The following LRBA variants were observed in gnomAD, a reference collection of about 807,000 sequenced individuals.
LRBA encodes the protein LPS responsive beige-like anchor protein, also known as lipopolysaccharide-responsive and beige-like anchor protein.
In LRBA, 176 loss-of-function variants were observed where a neutral mutation model predicts 330.0. That is an observed-to-expected ratio of 0.53 (90% confidence interval 0.47 to 0.60). The LOEUF is 0.60. Among genes scored for constraint, LRBA ranks in the 20% least tolerant of loss-of-function variants. LRBA has a pLI of 0.00. For synonymous variants in LRBA, 1,230 were observed against 1,193.0 expected, an observed-to-expected ratio of 1.03 and a Z score of -0.64; for missense variants, 3,259 against 3,444.8, an observed-to-expected ratio of 0.95 and a Z score of 1.35.
intron 53 of LRBA, among the ~76,000 whole-genome samples, chr4:150,295,529 T>TAGTA (rs1237844236): frequency 5.3e-5 from 8 of 152,148 alleles, no homozygotes; most frequent in African/African-American, 1.9e-4. Context: ...ATTATCAAGG[T>TAGTA]AGTACATGCT....
intron 22 of LRBA, among the ~76,000 whole-genome samples, chr4:150,866,481 C>T (rs1231835360): frequency 2.6e-5 from 4 of 152,140 alleles, no homozygotes; most frequent in Admixed American, 1.3e-4. Flanking sequence ...TAAACTCCAG[C>T]CATACCACGT....
intron 2 of LRBA, among the ~76,000 whole-genome samples, chr4:150,999,769 T>G (rs1329700091): frequency 6.6e-6 from 1 of 151,816 alleles, no homozygotes; most frequent in Non-Finnish European, 1.5e-5. Context: ...GCAAACTTAA[T>G]CCATACGTTC....
At chr4:150,884,152 A>G (rs926549318) in intron 17 of LRBA, among the ~76,000 whole-genome samples, 12 of 152,200 alleles carry the variant, frequency 7.9e-5, no homozygotes, top group Admixed American at 7.9e-4. Context: ...GTTGCTTTCA[A>G]ACAGGGCAAA....
intron 40 of LRBA, among the ~76,000 whole-genome samples, chr4:150,503,662 G>C (rs189518688): frequency 2.7e-4 from 41 of 152,266 alleles, no homozygotes; most frequent in African/African-American, 9.6e-4. Flanking sequence ...AGAAAAACTG[G>C]AAACTCTAAA....
chr4:150,489,288 GAA>G (rs1758446069), intron 41 of LRBA, among the ~76,000 whole-genome samples: 3 of 53,162 alleles, frequency 5.6e-5, no homozygotes, highest in Non-Finnish European at 9.1e-5. Context: ...TTATATATAA[GAA>G]TATATAATAT....
intron 48 of LRBA, among the ~76,000 whole-genome samples, chr4:150,326,862 A>G (rs931478367): frequency 6.6e-6 from 1 of 152,214 alleles, no homozygotes; most frequent in African/African-American, 2.4e-5. Context: ...CCAGGCTAAA[A>G]GGATGAGGAA....
intron 47 of LRBA, among the ~76,000 whole-genome samples, chr4:150,360,068 G>T (rs914460855): frequency 6.6e-6 from 1 of 152,006 alleles, no homozygotes; most frequent in African/African-American, 2.4e-5. Context: ...TCACCCCAAG[G>T]ATTTTATACC....
intron 2 of LRBA, among the ~76,000 whole-genome samples, chr4:150,943,045 T>C (rs1300777216): frequency 6.6e-6 from 1 of 152,204 alleles, no homozygotes; most frequent in African/African-American, 2.4e-5. Flanking sequence ...TCATTGTTTA[T>C]TGTACCCTTC....
At chr4:150,784,548 G>A (rs994131534) in intron 34 of LRBA, among the ~76,000 whole-genome samples, 2 of 152,084 alleles carry the variant, frequency 1.3e-5, no homozygotes, top group East Asian at 1.9e-4. Flanking sequence ...TTTGCCCTAC[G>A]TGAATGACAT....
chr4:150,703,101 C>T (rs958801856), intron 36 of LRBA, among the ~76,000 whole-genome samples: 1 of 152,150 alleles, frequency 6.6e-6, no homozygotes, highest in African/African-American at 2.4e-5. Context: ...ACAGAGATTG[C>T]AGTGAGCCAA....
At chr4:150,372,473 C>T (rs1740491011) in intron 47 of LRBA, among the ~76,000 whole-genome samples, 1 of 148,716 alleles carries the variant, frequency 6.7e-6, no homozygotes, top group African/African-American at 2.5e-5. Context: ...TAGTGGCACA[C>T]GCTTGTGGTT....
At chr4:150,891,678 A>G (rs1417721799) in intron 17 of LRBA, among the ~76,000 whole-genome samples, 1 of 152,160 alleles carries the variant, frequency 6.6e-6, no homozygotes, top group South Asian at 2.1e-4. Context: ...CAATTGTGTA[A>G]AACAGTTGCT....
chr4:150,860,526 C>G (rs768525482), intron 22 of LRBA, among the ~76,000 whole-genome samples: 5 of 152,114 alleles, frequency 3.3e-5, no homozygotes, highest in Non-Finnish European at 7.4e-5. Context: ...CCATAAGTCA[C>G]TGGACTAAAG....
At chr4:150,845,506 T>C (rs552407848) in intron 26 of LRBA, among the ~76,000 whole-genome samples, 60 of 152,216 alleles carry the variant, frequency 3.9e-4, no homozygotes, top group Non-Finnish European at 7.6e-4. Context: ...CCCTTCACTA[T>C]GAATTGCTTG....
intron 38 of LRBA, among the ~76,000 whole-genome samples, chr4:150,594,958 C>G (rs1319824119): frequency 6.6e-6 from 1 of 151,964 alleles, no homozygotes; most frequent in Non-Finnish European, 1.5e-5. Context: ...AGCAAGTGAA[C>G]TGGAATCATC....
At chr4:150,841,087 T>G (rs1400390669) in intron 28 of LRBA, 4 of 620,714 alleles carry the variant, frequency 6.4e-6, no homozygotes, top group Non-Finnish European at 9.5e-6. Context: ...TTTGTCTTTT[T>G]TATAAACCAC....
chr4:150,803,567 C>G lies in LRBA; in HGVS notation c.5518+2704G>C, dbSNP rs372961874. Among the ~76,000 whole-genome samples, 3 of 152,106 alleles carry G rather than the reference C, an allele frequency of 2.0e-5. No individual in the cohort carries two copies. In the East Asian group the frequency reaches 5.8e-4, roughly 29 times the overall value. ...GTCACTGGCAAGGACAGAATGAAAA[C>G]CAAAGTCTCCTGCCTTTTATATTAA... On this transcript the variant is annotated intron_variant, in intron 33 of 56. Coordinates refer to ENST00000651943, the MANE Select transcript of LRBA (RefSeq NM_001364905.1).
At chr4:150,385,705 A>G (rs1221190667) in intron 47 of LRBA, among the ~76,000 whole-genome samples, 1 of 152,182 alleles carries the variant, frequency 6.6e-6, no homozygotes. Flanking sequence ...TAACTGGTGC[A>G]GGCTGAAAGT....
rs1730451105 is a variant in LRBA, at chr4:150,307,117, T to G, written c.7849+3112A>C. ...TTACAAATGTTAATACTGAGTGTCT[T>G]TAAAAAACAATAATATAGAATGTCA... On this transcript the variant is annotated intron_variant, in intron 52 of 56. Transcript: ENST00000651943. 2.6e-5 allele frequency among the ~76,000 whole-genome samples: 4 copies of G among 152,148 alleles called. No homozygotes were observed. In the South Asian group the frequency reaches 8.3e-4, roughly 32 times the overall value.
Sources: allele counts gnomAD v4.1 joint callset (sites outside exome capture counted in the v4.1 genomes callset), GRCh38; gene constraint gnomAD v4.1.1; transcripts MANE v1.5; gene names NCBI Gene and HGNC (gene_info 2026-07-23, HGNC 2026-07-21).